Variants in TRAPPC9 observed in about 807,000 individuals in gnomAD.
The protein encoded by TRAPPC9 is IKK2 binding protein.
TRAPPC9 carries 83 observed loss-of-function variants against 124.0 expected under a neutral mutation model. The ratio of observed to expected loss-of-function variants is 0.67; its 90% CI spans 0.56 to 0.80. The LOEUF (loss-of-function observed/expected upper bound fraction) is 0.80. TRAPPC9 is among the 30% of genes least tolerant of loss of function. TRAPPC9 has a pLI of 0.00. For synonymous variants in TRAPPC9, 638 were observed against 617.5 expected, an observed-to-expected ratio of 1.03 and a Z score of -0.49; for missense variants, 1,302 against 1,508.3, an observed-to-expected ratio of 0.86 and a Z score of 2.27.
At chr8:140,350,855 T>G (rs1228070434) in intron 9 of TRAPPC9, among the ~76,000 whole-genome samples, 1 of 152,072 alleles carries the variant, frequency 6.6e-6, no homozygotes, top group African/African-American at 2.4e-5. Flanking sequence ...CACTGAGTCC[T>G]GGGTTTTATT....
At chr8:140,003,640 AG>A (rs1838554399) in intron 18 of TRAPPC9, among the ~76,000 whole-genome samples, 1 of 151,606 alleles carries the variant, frequency 6.6e-6, no homozygotes, top group Non-Finnish European at 1.5e-5. Flanking sequence ...TTAAAACCAC[AG>A]GAAGATATCA....
At chr8:140,211,733 C>T (rs576095785) in intron 17 of TRAPPC9, among the ~76,000 whole-genome samples, 2 of 152,334 alleles carry the variant, frequency 1.3e-5, no homozygotes, top group South Asian at 2.1e-4. Context: ...TACTGCCTTG[C>T]TTTGCCTCAC....
intron 19 of TRAPPC9, among the ~76,000 whole-genome samples, chr8:139,946,705 G>A (rs1341775873): frequency 2.0e-5 from 3 of 151,540 alleles, no homozygotes; most frequent in Non-Finnish European, 4.4e-5. Context: ...CCCTGGCCAA[G>A]AGCAGTGGCT....
chr8:140,231,717 C>T (rs1483973161), intron 16 of TRAPPC9, among the ~76,000 whole-genome samples: 1 of 149,178 alleles, frequency 6.7e-6, no homozygotes, highest in Non-Finnish European at 1.5e-5. Flanking sequence ...CTCCACCACA[C>T]ACACAAATGT....
At chr8:139,785,906 C>T (rs184450513) in intron 21 of TRAPPC9, among the ~76,000 whole-genome samples, 20 of 151,266 alleles carry the variant, frequency 1.3e-4, no homozygotes, top group African/African-American at 4.6e-4. Flanking sequence ...TCAAATGTTA[C>T]TAATAAGAAA....
chr8:140,045,651 A>AAAAC (rs1554614224), intron 17 of TRAPPC9, among the ~76,000 whole-genome samples: 20 of 39,056 alleles, frequency 5.1e-4, no homozygotes, highest in African/African-American at 1.1e-3. Flanking sequence ...AAAAAAAAAA[A>AAAAC]AAAAAAAACC....
intron 17 of TRAPPC9, among the ~76,000 whole-genome samples, chr8:140,073,271 T>C (rs1843294786): frequency 6.6e-6 from 1 of 152,216 alleles, no homozygotes; most frequent in Non-Finnish European, 1.5e-5. Flanking sequence ...AAAATGTTCA[T>C]AACAGCTTTA....
At chr8:140,449,545 G>A (rs1425325954) in intron 2 of TRAPPC9, among the ~76,000 whole-genome samples, 1 of 152,230 alleles carries the variant, frequency 6.6e-6, no homozygotes, top group Non-Finnish European at 1.5e-5. Context: ...CTTAATAACA[G>A]GCAAGATGGG....
chr8:140,340,448 AC>A (rs1275053331), intron 9 of TRAPPC9, among the ~76,000 whole-genome samples: 1 of 152,234 alleles, frequency 6.6e-6, no homozygotes. Flanking sequence ...GTACAGCCTC[AC>A]CCGGGAAACT....
intron 7 of TRAPPC9, among the ~76,000 whole-genome samples, chr8:140,376,552 C>CT (rs2068444351): frequency 1.2e-5 from 1 of 82,360 alleles, no homozygotes; most frequent in Non-Finnish European, 2.1e-5. Context: ...AAGACTCCAT[C>CT]TAAAAAAAAA....
intron 2 of TRAPPC9, among the ~76,000 whole-genome samples, chr8:140,450,299 T>G (rs2071411693): frequency 6.6e-6 from 1 of 152,150 alleles, no homozygotes; most frequent in African/African-American, 2.4e-5. Flanking sequence ...AGGTGCACGT[T>G]GCACTGAGCC....
At position 140,295,874 on chromosome 8, in the gene TRAPPC9, C is replaced by T. The variant is rs151105886; in HGVS notation, c.1768+4595G>A. Among the ~76,000 whole-genome samples the T allele has an allele frequency of 1.2e-4, 18 of 152,324 alleles. No individual in the cohort carries two copies. The East Asian group carries it at 1.5e-3, about 13-fold the overall frequency. The stretch of plus-strand genomic sequence containing the variant: ...ATTAGAAGCTATGGGATATAAATTG[C>T]ATTTTCCTACCAAACAAATAATGTG... On this transcript the variant is annotated intron_variant, in intron 11 of 22. Coordinates refer to ENST00000438773, the MANE Select transcript of TRAPPC9 (RefSeq NM_001160372.4).
chr8:140,090,832 G>A (rs1345353064), intron 17 of TRAPPC9, among the ~76,000 whole-genome samples: 1 of 152,186 alleles, frequency 6.6e-6, no homozygotes, highest in Non-Finnish European at 1.5e-5. Context: ...TTCATTGACA[G>A]CGGAGGCCAA....
chr8:139,886,593 A>G (rs1460528455), intron 20 of TRAPPC9, among the ~76,000 whole-genome samples: 12 of 152,234 alleles, frequency 7.9e-5, no homozygotes, highest in Non-Finnish European at 1.5e-4. Context: ...CCCTTTTCCT[A>G]CATAAGTTAA....
chr8:140,410,147 A>AT (rs2069649366), intron 5 of TRAPPC9, among the ~76,000 whole-genome samples: 2 of 90,322 alleles, frequency 2.2e-5, no homozygotes, highest in African/African-American at 5.1e-5. Context: ...TCTCCAAAAA[A>AT]AAAAAAAAAA....
chr8:139,936,758 C>T (rs59826284), intron 19 of TRAPPC9, among the ~76,000 whole-genome samples: 1 of 133,996 alleles, frequency 7.5e-6, no homozygotes, highest in South Asian at 2.3e-4. Flanking sequence ...GGGGAGTGGG[C>T]ACTGCAGTGT....
At chr8:140,123,873 A>C (rs62529268) in intron 17 of TRAPPC9, among the ~76,000 whole-genome samples, 75 of 152,306 alleles carry the variant, frequency 4.9e-4, no homozygotes, top group Non-Finnish European at 9.3e-4. Flanking sequence ...TGGGTCCATC[A>C]GGAGAGGCTA....
At chr8:140,130,191 CTG>C (rs1421446183) in intron 17 of TRAPPC9, among the ~76,000 whole-genome samples, 1 of 152,200 alleles carries the variant, frequency 6.6e-6, no homozygotes. Context: ...CAGAATGAGA[CTG>C]TGAATTCATA....
chr8:140,160,734 T>C (rs979029276), intron 17 of TRAPPC9, among the ~76,000 whole-genome samples: 2 of 152,020 alleles, frequency 1.3e-5, no homozygotes, highest in Non-Finnish European at 2.9e-5. Flanking sequence ...ACATGGCACA[T>C]GTATACCTAT....
Sources: gnomAD v4.1 joint callset for allele counts (sites outside exome capture counted in the v4.1 genomes callset) on GRCh38, gnomAD v4.1.1 for gene constraint, MANE v1.5 for transcripts, NCBI Gene and HGNC (gene_info 2026-07-23, HGNC 2026-07-21) for gene names.